The following ANO4 variants were observed in gnomAD, a reference collection of about 807,000 sequenced individuals.
The protein encoded by ANO4 is anoctamin-4.
A neutral mutation model predicts 141.9 loss-of-function variants in ANO4; 69 were observed. That is an observed-to-expected ratio of 0.49 (90% confidence interval 0.40 to 0.59). ANO4 has a LOEUF of 0.59. Among genes scored for constraint, ANO4 ranks in the 20% least tolerant of loss-of-function variants. ANO4 has a pLI of 0.00. For synonymous variants in ANO4, 350 were observed against 394.3 expected (o/e 0.89, Z 1.33); for missense variants, 894 against 1,162.2 (o/e 0.77, Z 3.36).
At chr12:100,986,938 G>A (rs943760124) in intron 7 of ANO4, among the ~76,000 whole-genome samples, 4 of 152,108 alleles carry the variant, frequency 2.6e-5, no homozygotes, top group Non-Finnish European at 5.9e-5. Context: ...TGTGTGTCAC[G>A]ATGCCCTAGC....
At chr12:100,947,134 A>C (rs2042758809) in intron 5 of ANO4, among the ~76,000 whole-genome samples, 1 of 152,176 alleles carries the variant, frequency 6.6e-6, no homozygotes, top group Non-Finnish European at 1.5e-5. Flanking sequence ...AATGGAGAGA[A>C]ATAGAATGAT....
At chr12:100,937,216 G>A (rs1053631665) in intron 3 of ANO4, among the ~76,000 whole-genome samples, 14 of 152,136 alleles carry the variant, frequency 9.2e-5, no homozygotes, top group African/African-American at 3.4e-4. Flanking sequence ...TGTGTTGAAG[G>A]CTTACCTGTG....
At chr12:100,936,901 C>T (rs1004128642) in intron 3 of ANO4, among the ~76,000 whole-genome samples, 1 of 152,164 alleles carries the variant, frequency 6.6e-6, no homozygotes, top group Non-Finnish European at 1.5e-5. Context: ...GAAACAGAAG[C>T]ACATATTTAC....
chr12:100,935,102 G>A (rs944616724), intron 3 of ANO4, among the ~76,000 whole-genome samples: 1 of 152,084 alleles, frequency 6.6e-6, no homozygotes, highest in Non-Finnish European at 1.5e-5. Context: ...CTGCCTGATT[G>A]CCCTGGCCAG....
chr12:100,909,805 A>G (rs1158392035), intron 2 of ANO4, among the ~76,000 whole-genome samples: 1 of 152,202 alleles, frequency 6.6e-6, no homozygotes, highest in Non-Finnish European at 1.5e-5. Context: ...TGGCTATTAC[A>G]GCCTTAGACA....
chr12:100,872,261 A>G (rs958701237), intron 1 of ANO4, among the ~76,000 whole-genome samples: 3 of 152,198 alleles, frequency 2.0e-5, no homozygotes, highest in East Asian at 1.9e-4. Context: ...CCTAAGATAG[A>G]CATAATAAAA....
rs544238932 is a variant in ANO4 at position 101,072,581 on chromosome 12, T to C, written c.1313-6612T>C. On this transcript the variant is annotated intron_variant, in intron 14 of 27. Transcript: ENST00000392977. ...AAAGCAATGGCAACAAAAGCCAAAA[T>C]TGACAAATGGGATCTAATTAAACAA... Among the ~76,000 whole-genome samples the C allele has an allele frequency of 3.3e-4, 50 of 152,216 alleles. No individual in the cohort carries two copies. The South Asian group carries it at 4.6e-3, about 14-fold the overall frequency.
intron 3 of ANO4, among the ~76,000 whole-genome samples, chr12:100,939,101 T>C (rs1441493523): frequency 1.3e-5 from 2 of 152,206 alleles, no homozygotes; most frequent in African/African-American, 2.4e-5. Flanking sequence ...CTTTGCTTTT[T>C]ATTTTCCTTA....
intron 6 of ANO4, among the ~76,000 whole-genome samples, chr12:100,972,541 TAAAAAG>T (rs1461095915): frequency 6.6e-6 from 1 of 152,056 alleles, no homozygotes; most frequent in Non-Finnish European, 1.5e-5. Flanking sequence ...ATTTAACTGT[TAAAAAG>T]AAAATCTGAG....
intron 14 of ANO4, among the ~76,000 whole-genome samples, chr12:101,064,671 TA>T (rs2048501576): frequency 1.4e-5 from 2 of 141,918 alleles, no homozygotes; most frequent in Non-Finnish European, 1.5e-5. Context: ...ATTATAATAA[TA>T]ATAATAATAA....
At chr12:100,847,591 C>T (rs2037639596) in intron 1 of ANO4, among the ~76,000 whole-genome samples, 2 of 151,928 alleles carry the variant, frequency 1.3e-5, no homozygotes. Context: ...CCTGACTCAG[C>T]CTCCCGAGTA....
chr12:100,979,420 T>G (rs2044349985), intron 7 of ANO4, among the ~76,000 whole-genome samples: 2 of 152,090 alleles, frequency 1.3e-5, no homozygotes, highest in African/African-American at 2.4e-5. Flanking sequence ...AAGTGATACC[T>G]GTGCTGATGT....
intron 3 of ANO4, among the ~76,000 whole-genome samples, chr12:100,771,378 G>C (rs1256997939): frequency 6.6e-6 from 1 of 152,158 alleles, no homozygotes. Flanking sequence ...CAGGTGTCAG[G>C]GTAGCTGATT....
intron 1 of ANO4, among the ~76,000 whole-genome samples, chr12:100,803,414 A>G (rs1193974055): frequency 1.3e-5 from 2 of 152,224 alleles, no homozygotes; most frequent in Admixed American, 1.3e-4. Context: ...ATTCTGCCCA[A>G]TATAGAACAT....
At chr12:100,759,362 T>C (rs1279245594) in intron 3 of ANO4, among the ~76,000 whole-genome samples, 1 of 152,202 alleles carries the variant, frequency 6.6e-6, no homozygotes, top group Non-Finnish European at 1.5e-5. Flanking sequence ...AATTGGAGCT[T>C]TCTTATCTTC....
intron 3 of ANO4, among the ~76,000 whole-genome samples, chr12:100,760,746 G>T (rs1013365794): frequency 6.6e-6 from 1 of 152,176 alleles, no homozygotes; most frequent in Non-Finnish European, 1.5e-5. Context: ...TGTTCTGCAG[G>T]CTTGGAGGAA....
At chr12:100,958,019 A>T (rs2043245808) in intron 5 of ANO4, among the ~76,000 whole-genome samples, 1 of 152,096 alleles carries the variant, frequency 6.6e-6, no homozygotes, top group Admixed American at 6.6e-5. Context: ...CCATTTTTTT[A>T]AATCATTATT....
In ANO4 at chr12:100,945,659, A is replaced by G. The variant is rs183924871; in HGVS notation, c.456+3124A>G. On this transcript the variant is annotated intron_variant, in intron 5 of 27. Transcript: ENST00000392977. The stretch of plus-strand genomic sequence containing the variant: ...CATTTATCTTTTCTTTTGTATAACT[A>G]GTAAGAGGATGAGTTAACTTTGAAT... Among the ~76,000 whole-genome samples the G allele has an allele frequency of 1.1e-3, 163 of 152,302 alleles. 2 individuals carry two copies. The highest frequency in any genetic ancestry group is 0.011 in the Admixed American group (161 of 15,296).
chr12:100,882,787 C>G (rs1442981600), intron 1 of ANO4, among the ~76,000 whole-genome samples: 1 of 152,014 alleles, frequency 6.6e-6, no homozygotes, highest in Non-Finnish European at 1.5e-5. Context: ...CAACCTCTGC[C>G]TCCCGGGTTC....
Sources: allele counts gnomAD v4.1 joint callset (sites outside exome capture counted in the v4.1 genomes callset), GRCh38; gene constraint gnomAD v4.1.1; transcripts MANE v1.5; gene names NCBI Gene and HGNC (gene_info 2026-07-23, HGNC 2026-07-21).